The following PTPRD variants were observed in gnomAD, a reference collection of about 807,000 sequenced individuals.
PTPRD encodes the protein protein tyrosine phosphatase receptor type D.
In PTPRD, 34 loss-of-function variants were observed where a neutral mutation model predicts 214.5. That is an observed-to-expected ratio of 0.16 (90% CI 0.12 to 0.21). The LOEUF is 0.21. Ranked by LOEUF, PTPRD falls within the 10% of genes least tolerant of loss-of-function variation. The pLI, the probability that PTPRD is intolerant of heterozygous loss-of-function variation, is 1.00. For missense variants in PTPRD, 2,545 were observed against 2,398.7 expected, an observed-to-expected ratio of 1.06 and a Z score of -1.27; for synonymous variants, 1,128 against 845.7, an observed-to-expected ratio of 1.33 and a Z score of -5.79.
intron 3 of PTPRD, among the ~76,000 whole-genome samples, chr9:10,173,737 C>T (rs937611727): frequency 6.6e-6 from 1 of 151,820 alleles, no homozygotes; most frequent in Non-Finnish European, 1.5e-5. Flanking sequence ...GTGCAGCTGT[C>T]AGTCCTCATT....
chr9:8,798,897 T>A (rs528864782), intron 11 of PTPRD, among the ~76,000 whole-genome samples: 3 of 152,194 alleles, frequency 2.0e-5, no homozygotes, highest in South Asian at 4.2e-4. Flanking sequence ...TAAGTGCCTA[T>A]GAGATGTCAT....
chr9:9,694,267 G>C (rs1290450034), intron 7 of PTPRD, among the ~76,000 whole-genome samples: 1 of 151,574 alleles, frequency 6.6e-6, no homozygotes, highest in African/African-American at 2.4e-5. Context: ...TATGCAAAGG[G>C]TCTTGAACCC....
rs146954662 is a variant in PTPRD at position 9,350,885 on chromosome 9, C to T, written c.-203+46564G>A. Among the ~76,000 whole-genome samples the T allele has an allele frequency of 6.0e-3, 916 of 152,110 alleles. 2 individuals carry two copies. Among genetic ancestry groups the T allele is most frequent in the South Asian group, 8.1e-3 (39 of 4,820 alleles). ...CAGCCAGTCTCAATATTTTAAGATC[C>T]TCTTTTTCTGAGAGTGTCCAGTTGT... On this transcript the variant is annotated intron_variant, in intron 9 of 45. Coordinates refer to ENST00000381196, the MANE Select transcript of PTPRD (RefSeq NM_002839.4).
chr9:9,888,523 A>G (rs1691060225), intron 5 of PTPRD, among the ~76,000 whole-genome samples: 1 of 152,096 alleles, frequency 6.6e-6, no homozygotes, highest in Admixed American at 6.6e-5. Context: ...TCCTCAAAGT[A>G]ATGAGTGAGA....
chr9:9,799,002 ATC>A (rs1387799298), intron 5 of PTPRD, among the ~76,000 whole-genome samples: 1 of 152,186 alleles, frequency 6.6e-6, no homozygotes, highest in African/African-American at 2.4e-5. Flanking sequence ...TTAGATCCCC[ATC>A]TTACTTATTA....
chr9:8,701,118 G>A (rs914775580), intron 12 of PTPRD, among the ~76,000 whole-genome samples: 5 of 151,900 alleles, frequency 3.3e-5, no homozygotes, highest in African/African-American at 9.7e-5. Flanking sequence ...CCAAGATCAT[G>A]CCACTGTACT....
At chr9:8,813,775 G>A (rs942582450) in intron 11 of PTPRD, among the ~76,000 whole-genome samples, 2 of 152,194 alleles carry the variant, frequency 1.3e-5, no homozygotes, top group African/African-American at 2.4e-5. Context: ...CTGAGTTCCT[G>A]AGCTACTTTG....
intron 33 of PTPRD, among the ~76,000 whole-genome samples, chr9:8,450,098 T>G (rs1303542773): frequency 2.0e-5 from 3 of 152,176 alleles, no homozygotes; most frequent in Non-Finnish European, 4.4e-5. Flanking sequence ...ACTCTGCCTT[T>G]TGGTTTCAAA....
intron 5 of PTPRD, among the ~76,000 whole-genome samples, chr9:9,936,235 A>T (rs13286802): frequency 6.7e-6 from 1 of 148,358 alleles, no homozygotes; most frequent in Non-Finnish European, 1.5e-5. Context: ...AATGGGATCT[A>T]ATTAAACTAA....
intron 9 of PTPRD, among the ~76,000 whole-genome samples, chr9:9,300,101 A>C (rs1373083221): frequency 6.6e-6 from 1 of 150,652 alleles, no homozygotes; most frequent in Non-Finnish European, 1.5e-5. Flanking sequence ...CTCACTAGAC[A>C]TGTTTGGTCT....
At chr9:8,344,195 G>C (rs1855303106) in intron 39 of PTPRD, among the ~76,000 whole-genome samples, 1 of 152,054 alleles carries the variant, frequency 6.6e-6, no homozygotes, top group Non-Finnish European at 1.5e-5. Flanking sequence ...CATTGCAGCT[G>C]TGAATCGTTT....
At chr9:8,419,199 C>G (rs977567224) in intron 35 of PTPRD, among the ~76,000 whole-genome samples, 1 of 145,314 alleles carries the variant, frequency 6.9e-6, no homozygotes, top group Admixed American at 7.0e-5. Flanking sequence ...GCACTCCAGT[C>G]TGGGAGACAA....
At chr9:8,954,799 A>T (rs936767868) in intron 11 of PTPRD, among the ~76,000 whole-genome samples, 5 of 151,948 alleles carry the variant, frequency 3.3e-5, no homozygotes, top group African/African-American at 1.2e-4. Context: ...CAATGGACTC[A>T]AGGTCTCAAT....
At chr9:9,121,039 G>C (rs932598355) in intron 10 of PTPRD, among the ~76,000 whole-genome samples, 5 of 152,152 alleles carry the variant, frequency 3.3e-5, no homozygotes, top group Non-Finnish European at 2.9e-5. Flanking sequence ...GTGAGGAAAA[G>C]AAAACGTACA....
At chr9:9,305,899 T>A (rs375947055) in intron 9 of PTPRD, among the ~76,000 whole-genome samples, 13 of 152,090 alleles carry the variant, frequency 8.5e-5, no homozygotes, top group African/African-American at 2.4e-4. Context: ...TTTTCCTAGC[T>A]CTTTCATAGG....
At chr9:10,577,599 A>C (rs1373400600) in intron 2 of PTPRD, among the ~76,000 whole-genome samples, 4 of 152,184 alleles carry the variant, frequency 2.6e-5, no homozygotes, top group African/African-American at 9.6e-5. Context: ...AAATGAAATA[A>C]TGAATTTTAA....
intron 3 of PTPRD, among the ~76,000 whole-genome samples, chr9:10,190,717 T>A (rs1366891400): frequency 3.1e-4 from 10 of 32,464 alleles, no homozygotes; most frequent in Non-Finnish European, 4.2e-4. Flanking sequence ...AAACTCTGTC[T>A]CAAAAAAAAA....
chr9:10,199,675 C>T (rs2099411746), intron 3 of PTPRD, among the ~76,000 whole-genome samples: 1 of 151,740 alleles, frequency 6.6e-6, no homozygotes, highest in South Asian at 2.1e-4. Flanking sequence ...GAATAGATAC[C>T]ACATAGCTTC....
At chr9:8,949,637 G>A (rs1331516627) in intron 11 of PTPRD, among the ~76,000 whole-genome samples, 1 of 152,038 alleles carries the variant, frequency 6.6e-6, no homozygotes, top group Non-Finnish European at 1.5e-5. Context: ...AATGCAAGAG[G>A]TTTGGTTCTC....
Sources: allele counts gnomAD v4.1 joint callset (sites outside exome capture counted in the v4.1 genomes callset), GRCh38; gene constraint gnomAD v4.1.1; transcripts MANE v1.5; gene names NCBI Gene and HGNC (gene_info 2026-07-23, HGNC 2026-07-21).